Variants in GNL3L observed in about 807,000 individuals in gnomAD.
GNL3L encodes the protein guanine nucleotide-binding protein-like 3-like protein.
GNL3L carries 4 observed loss-of-function variants against 42.9 expected under a neutral mutation model. That is an observed-to-expected ratio of 0.09 (90% CI 0.05 to 0.21). The LOEUF (loss-of-function observed/expected upper bound fraction) is 0.21. GNL3L is among the 10% of genes least tolerant of loss of function. The pLI is 1.00. For synonymous variants in GNL3L, 159 were observed against 176.3 expected (o/e 0.90, Z 0.78); for missense variants, 412 against 481.7 (o/e 0.86, Z 1.36).
chrX:54,553,836 T>C (rs1414589689), intron 13 of GNL3L, among the ~76,000 whole-genome samples: 1 of 112,014 alleles, frequency 8.9e-6, no homozygotes, highest in Non-Finnish European at 1.9e-5. Flanking sequence ...CCACTGTATC[T>C]GGCCTTAGTT....
chrX:54,641,338 A>G, the GNL3L span, among the ~76,000 whole-genome samples: 1 of 111,375 alleles, frequency 9.0e-6, no homozygotes, highest in South Asian at 3.8e-4. Context: ...AATTTCATTG[A>G]TTTCTTAATT....
At position 54,560,760 on chromosome X, in the gene GNL3L, G is replaced by A; in HGVS notation, c.*158G>A. The stretch of plus-strand genomic sequence containing the variant: ...CCCTCCTCCAGTAAAAACAGTCCCG[G>A]CTAGGTGCTGTGGCTCACGTCTGTA... On this transcript the variant is annotated 3_prime_UTR_variant, in exon 16 of 16. Coordinates refer to ENST00000360845, the MANE Select transcript of GNL3L (RefSeq NM_001184819.2). 1 of 430,550 alleles carries A rather than the reference G, an allele frequency of 2.3e-6. No individual in the cohort carries two copies. Among genetic ancestry groups the A allele is most frequent in the African/African-American group, 2.4e-5 (1 of 41,780 alleles). 35.5% of individuals were successfully genotyped at this position (430,550 alleles called of 1,213,427 possible).
chrX:54,639,358 C>CT, the GNL3L span, among the ~76,000 whole-genome samples: 1 of 112,352 alleles, frequency 8.9e-6, no homozygotes, highest in Non-Finnish European at 1.9e-5. Context: ...CCGGTACCCA[C>CT]TTTCATCCGA....
At chrX:54,614,772 G>T (rs182212418) in intron 16 of GNL3L, among the ~76,000 whole-genome samples, 4 of 111,304 alleles carry the variant, frequency 3.6e-5, no homozygotes, top group Non-Finnish European at 7.5e-5. Context: ...TATTTGGGGC[G>T]TCTCCTGGGT....
intron 2 of GNL3L, among the ~76,000 whole-genome samples, chrX:54,533,514 GA>G (rs1180078092): frequency 1.8e-5 from 2 of 111,485 alleles, no homozygotes; most frequent in African/African-American, 6.5e-5. Flanking sequence ...AGCTTGGTGG[GA>G]AAAAAATACA....
the GNL3L span, among the ~76,000 whole-genome samples, chrX:54,638,910 G>T: frequency 1.8e-5 from 2 of 111,520 alleles, no homozygotes; most frequent in African/African-American, 6.5e-5. Context: ...TTAAAGTGTG[G>T]TCTTGAACCA....
chrX:54,607,169 T>G (rs1926109052), intron 16 of GNL3L, among the ~76,000 whole-genome samples: 1 of 96,310 alleles, frequency 1.0e-5, no homozygotes, highest in African/African-American at 3.8e-5. Flanking sequence ...TTCTTTCTTT[T>G]TGTATATTTG....
At chrX:54,577,825 C>T (rs1032806481) in intron 16 of GNL3L, among the ~76,000 whole-genome samples, 2 of 110,414 alleles carry the variant, frequency 1.8e-5, no homozygotes, top group Non-Finnish European at 3.8e-5. Context: ...CCTGCAGCCT[C>T]GAATTCCCCA....
the GNL3L span, among the ~76,000 whole-genome samples, chrX:54,629,318 A>G: frequency 5.4e-5 from 6 of 111,369 alleles, no homozygotes; most frequent in Non-Finnish European, 1.1e-4. Context: ...GAAGTGGTGA[A>G]AGTGAGCATC....
intron 16 of GNL3L, among the ~76,000 whole-genome samples, chrX:54,572,507 A>C (rs1205437197): frequency 8.9e-6 from 1 of 111,920 alleles, no homozygotes; most frequent in Non-Finnish European, 1.9e-5. Flanking sequence ...GCCCGTTCTC[A>C]ATGAGCTGTT....
chrX:54,558,202 G>A (rs1925154107), intron 14 of GNL3L, among the ~76,000 whole-genome samples: 1 of 110,746 alleles, frequency 9.0e-6, no homozygotes, highest in Non-Finnish European at 1.9e-5. Flanking sequence ...TTTTATTCTT[G>A]TAGAAGCCAT....
chrX:54,556,327 AC>A (rs940269326), intron 14 of GNL3L, among the ~76,000 whole-genome samples: 5 of 111,017 alleles, frequency 4.5e-5, no homozygotes, highest in African/African-American at 1.6e-4. Context: ...AGGAGGAACT[AC>A]CAAACACATA....
At chrX:54,586,014 C>T (rs1415663964) in intron 16 of GNL3L, among the ~76,000 whole-genome samples, 2 of 111,570 alleles carry the variant, frequency 1.8e-5, no homozygotes, top group Non-Finnish European at 3.8e-5. Flanking sequence ...TCCTACTACC[C>T]TTCTCCACTA....
Position 54,558,584 on chromosome X carries a change from C to T in GNL3L, c.1595C>T (p.Thr532Met), listed in dbSNP as rs780270239. The T allele has an allele frequency of 1.5e-5, 18 of 1,207,995 alleles. No individual in the cohort carries two copies. Among genetic ancestry groups the T allele is most frequent in the South Asian group, 5.3e-5 (3 of 56,694 alleles). Residue 532 changes from threonine (T) to methionine (M), a missense_variant, in exon 15 of 16, where the codon ACG becomes ATG. Coordinates refer to ENST00000360845, the MANE Select transcript of GNL3L (RefSeq NM_001184819.2). ...TCAGTGCTGCAGAGGATCATGGAGA[C>T]GGACCCCCTGCAACAGGGCCAGGCT... The part of the protein sequence containing the change: ...RRSVLQRIME[T>M]DPLQQGQALA...
chrX:54,558,466 C>A lies in GNL3L; in HGVS notation c.1477C>A (p.Pro493Thr). 8.3e-7 allele frequency: 1 copy of A among 1,206,556 alleles called. No homozygotes were observed. The part of the protein sequence containing the change: ...IGDLTGYCTN[P>T]NRHQMGWAKR... ...AGATCTCACTGGGTATTGCACCAAT[C>A]CGAACCGTCATCAGATGGGGTGGGC... The change falls in exon 15 of 16, where the codon CCG (proline) becomes ACG (threonine). Residue 493 changes from proline to threonine, a missense_variant. Coordinates refer to ENST00000360845, the MANE Select transcript of GNL3L (RefSeq NM_001184819.2).
rs745784950 is a variant in GNL3L at position 54,540,094 on chromosome X, G to T, written c.82-41G>T. Reference sequence around the variant, plus strand: ...CTGCCTTTTTGAGGTGATTTCCATGGGTTCATTACCTCTGTTTTTTTTCTC... The same window carrying T: ...CTGCCTTTTTGAGGTGATTTCCATGTGTTCATTACCTCTGTTTTTTTTCTC... On this transcript the variant is annotated intron_variant, in intron 3 of 15. Transcript: ENST00000360845. 6.9e-5 allele frequency: 61 copies of T among 889,519 alleles called. 1 individual carries two copies. The Admixed American group carries it at 9.8e-4, about 14-fold the overall frequency. 73.3% of individuals were successfully genotyped at this position (889,519 alleles called of 1,213,427 possible).
intron 16 of GNL3L, among the ~76,000 whole-genome samples, chrX:54,572,878 C>T (rs1196449485): frequency 2.1e-4 from 22 of 105,010 alleles, no homozygotes; most frequent in African/African-American, 4.4e-4. Flanking sequence ...GGGTCGCAGC[C>T]GGGCAGAGGC....
At chrX:54,577,957 G>A (rs1925658576) in intron 16 of GNL3L, among the ~76,000 whole-genome samples, 1 of 110,852 alleles carries the variant, frequency 9.0e-6, no homozygotes, top group Non-Finnish European at 1.9e-5. Flanking sequence ...TGCCCAGGCT[G>A]GTCTCAAACT....
rs764111141 is a variant in GNL3L at position 54,580,854 on chromosome X, C to T, written c.*45+20207C>T. ...GGAGTGCAGTGGCACAATCTCGGCT[C>T]ACTGCAACCTCTGCCTCCTGGGTTC... is the stretch of plus-strand genomic sequence containing the variant. On this transcript the variant is annotated intron_variant, in intron 16 of 16. Coordinates refer to the GNL3L transcript ENST00000674498. Among the ~76,000 whole-genome samples, 3 of 112,429 alleles carry T rather than the reference C, an allele frequency of 2.7e-5. 1 individual carries two copies. The East Asian group carries it at 8.4e-4, about 31-fold the overall frequency.
Sources: allele counts gnomAD v4.1 joint callset (sites outside exome capture counted in the v4.1 genomes callset), GRCh38; gene constraint gnomAD v4.1.1; transcripts MANE v1.5; gene names NCBI Gene and HGNC (gene_info 2026-07-23, HGNC 2026-07-21).